The following SLA2 variants were observed in gnomAD, a reference collection of about 807,000 sequenced individuals.
The protein encoded by SLA2 is Src like adaptor 2.
SLA2 carries 22 observed loss-of-function variants against 27.3 expected under a neutral mutation model. That is an observed-to-expected ratio of 0.81 (90% CI 0.58 to 1.15). The LOEUF (loss-of-function observed/expected upper bound fraction) is 1.15. SLA2 is among the 50% of genes most tolerant of loss of function. The pLI is 0.00. For synonymous variants in SLA2, 131 were observed against 137.8 expected (o/e 0.95, Z 0.34); for missense variants, 304 against 322.2 (o/e 0.94, Z 0.43).
At chr20:36,644,870 T>C (rs942103281) in intron 1 of SLA2, among the ~76,000 whole-genome samples, 2 of 442 alleles carry the variant, frequency 4.5e-3, no homozygotes, top group East Asian at 0.1. Flanking sequence ...AATATTGTGT[T>C]TTTTTTTTTT....
At chr20:36,643,680 G>A (rs777819066) in intron 1 of SLA2, among the ~76,000 whole-genome samples, 1 of 152,150 alleles carries the variant, frequency 6.6e-6, no homozygotes, top group East Asian at 1.9e-4. Context: ...GGCCGGGCGC[G>A]GTGGCTCATG....
chr20:36,614,662 G>T (rs2039186449), intron 6 of SLA2: 1 of 985,334 alleles, frequency 1.0e-6, no homozygotes, highest in South Asian at 4.7e-5. Context: ...TGAGTTCATG[G>T]ACCTCTTGAG....
At chr20:36,624,033 C>T (rs528989073) in intron 5 of SLA2, among the ~76,000 whole-genome samples, 2 of 152,204 alleles carry the variant, frequency 1.3e-5, no homozygotes, top group Admixed American at 6.6e-5. Context: ...TTGGTGGTCT[C>T]AGGGATAAAG....
chr20:36,622,387 G>C (rs1369170335), intron 5 of SLA2, among the ~76,000 whole-genome samples: 1 of 145,388 alleles, frequency 6.9e-6, no homozygotes, highest in African/African-American at 2.6e-5. Context: ...GAAAAACCAC[G>C]ATCACCTGAA....
chr20:36,637,184 C>T (rs2039459350), intron 2 of SLA2, among the ~76,000 whole-genome samples: 2 of 143,496 alleles, frequency 1.4e-5, no homozygotes, highest in African/African-American at 5.2e-5. Flanking sequence ...CTAAGGTGCG[C>T]GTGTGTGTAT....
In SLA2 at chr20:36,636,205, C is replaced by T. The variant is rs565032562; in HGVS notation, c.92-1616G>A. On this transcript the variant is annotated intron_variant, in intron 2 of 7. Transcript: ENST00000262866. Reference sequence around the variant, plus strand: ...GGCCGAGGCGGGTGGATCATGAGGTCAGGAGATCGAGACCATCCTGGCTAA... The same window carrying T: ...GGCCGAGGCGGGTGGATCATGAGGTTAGGAGATCGAGACCATCCTGGCTAA... 5.2e-3 allele frequency among the ~76,000 whole-genome samples: 765 copies of T among 147,616 alleles called. 6 individuals carry two copies. Among genetic ancestry groups the T allele is most frequent in the African/African-American group, 0.019 (721 of 37,574 alleles).
intron 3 of SLA2, among the ~76,000 whole-genome samples, 193 bp from the exon 4 acceptor site, chr20:36,633,822 T>C (rs544430596): frequency 1.3e-4 from 20 of 151,672 alleles, no homozygotes; most frequent in African/African-American, 4.8e-4. Flanking sequence ...AGATGCACAA[T>C]TCCAGGCTCC....
intron 2 of SLA2, among the ~76,000 whole-genome samples, chr20:36,639,454 CTAATA>C (rs2056863011): frequency 1.3e-5 from 2 of 152,002 alleles, no homozygotes; most frequent in African/African-American, 2.4e-5. Flanking sequence ...CTGGAGAACC[CTAATA>C]TATTATCGAA....
chr20:36,612,483 C>CATGCAGCATCTA lies in SLA2; in HGVS notation c.*1371_*1382dup. ...TATGTGCGTGGTCCATAGCACAGTA[C>CATGCAGCATCTA]ATGCAGCATCTAATAAGAGTTTCCA... On this transcript the variant is annotated 3_prime_UTR_variant, in exon 8 of 8. Transcript: ENST00000262866. The CATGCAGCATCTA allele has an allele frequency of 1.9e-6, 1 of 521,308 alleles. No homozygotes were observed. The highest frequency in any genetic ancestry group is 3.4e-5 in the East Asian group (1 of 29,692). The allele number at this position is 521,308 out of a possible 1,614,324, so 32.3% of individuals were successfully genotyped here.
At chr20:36,640,796 C>T (rs1027611146) in intron 2 of SLA2, among the ~76,000 whole-genome samples, 4 of 152,122 alleles carry the variant, frequency 2.6e-5, no homozygotes, top group Non-Finnish European at 4.4e-5. Context: ...GGATTACAGG[C>T]GTGAGCCACC....
rs775141834 is a variant in SLA2, at chr20:36,632,560, T to A, written c.382+35A>T. Reference sequence around the variant, plus strand: ...TGGGCTCCTTTCTGAGACCTCCACGTAGGGAGGGCCTGGGCTGGCACCGAG... The same window carrying A: ...TGGGCTCCTTTCTGAGACCTCCACGAAGGGAGGGCCTGGGCTGGCACCGAG... On this transcript the variant is annotated intron_variant, in intron 5 of 7. Coordinates refer to ENST00000262866, the MANE Select transcript of SLA2 (RefSeq NM_032214.4). The A allele has an allele frequency of 9.1e-6, 14 of 1,541,500 alleles. No homozygotes were observed. The South Asian group carries it at 1.0e-4, about 11-fold the overall frequency.
At chr20:36,633,477 A>G in intron 4 of SLA2, 66 bp downstream of exon 4, 2 of 1,367,788 alleles carry the variant, frequency 1.5e-6, no homozygotes, top group Non-Finnish European at 1.0e-6. Context: ...GCCGTGCACA[A>G]AGGGGAGTTC....
chr20:36,626,381 A>C (rs2039337452), intron 5 of SLA2, among the ~76,000 whole-genome samples: 1 of 144,662 alleles, frequency 6.9e-6, no homozygotes, highest in African/African-American at 2.7e-5. Flanking sequence ...ACAGAACGAG[A>C]CTCCGTCTAA....
intron 5 of SLA2, among the ~76,000 whole-genome samples, chr20:36,626,553 TAAAAA>T (rs566064318): frequency 7.4e-6 from 1 of 135,852 alleles, no homozygotes; most frequent in Admixed American, 7.5e-5. Flanking sequence ...GACCCTGTCT[TAAAAA>T]AAAAAAAGTC....
chr20:36,639,727 G>A (rs2039488534), intron 2 of SLA2, among the ~76,000 whole-genome samples: 1 of 151,942 alleles, frequency 6.6e-6, no homozygotes, highest in Admixed American at 6.6e-5. Flanking sequence ...CAGGCGTGGT[G>A]GCGGGCACCT....
In SLA2 at chr20:36,614,436, C is replaced by A; in HGVS notation, c.534G>T (p.Glu178Asp). The A allele has an allele frequency of 6.2e-7, 1 of 1,605,156 alleles. No individual in the cohort carries two copies. Residue 178 changes from glutamate (E) to aspartate (D), a missense_variant and splice_region_variant, in exon 7 of 8, where the codon GAG becomes GAT. Glu to Asp is a conservative substitution (Grantham distance 45). Transcript: ENST00000262866. ...GTAGGCAGCAGATGTCATCCGCCAGCTCTGAGGAAGAGACCTCCATCCCTG... is the reference window on the plus strand; with the variant it reads ...GTAGGCAGCAGATGTCATCCGCCAGATCTGAGGAAGAGACCTCCATCCCTG... ...SLQALVDHYS[E>D]LADDICCLLK...
intron 2 of SLA2, among the ~76,000 whole-genome samples, chr20:36,636,961 C>T (rs535077525): frequency 1.3e-5 from 2 of 151,322 alleles, no homozygotes; most frequent in Admixed American, 6.6e-5. Flanking sequence ...CCACCCCCCC[C>T]AAAAAAAGAA....
chr20:36,630,894 T>C (rs1174214809), intron 5 of SLA2, among the ~76,000 whole-genome samples: 6 of 152,132 alleles, frequency 3.9e-5, no homozygotes, highest in Non-Finnish European at 7.4e-5. Flanking sequence ...TCCTCTTTGG[T>C]CCAGTTTTTC....
intron 5 of SLA2, chr20:36,621,078 C>A: frequency 2.8e-6 from 1 of 360,220 alleles, no homozygotes. Context: ...ATGGTGGCAG[C>A]AGAGGTAGTT....
Sources: gnomAD v4.1 joint callset for allele counts (sites outside exome capture counted in the v4.1 genomes callset) on GRCh38, gnomAD v4.1.1 for gene constraint, MANE v1.5 for transcripts, NCBI Gene and HGNC (gene_info 2026-07-23, HGNC 2026-07-21) for gene names.